Variants in GPHN observed in about 807,000 individuals in gnomAD.
GPHN encodes the protein gephyrin.
Under a neutral mutation model 95.5 loss-of-function variants are expected in GPHN, and 17 were observed. The ratio of observed to expected loss-of-function variants is 0.18; its 90% CI spans 0.12 to 0.27. The LOEUF (loss-of-function observed/expected upper bound fraction) is 0.27. GPHN is among the 10% of genes least tolerant of loss of function. The probability of loss-of-function intolerance (pLI) is 1.00; values close to 1 mark genes in which losing one functional copy is unlikely to be tolerated. For missense variants in GPHN, 660 were observed against 978.1 expected, an observed-to-expected ratio of 0.67 and a Z score of 4.34; for synonymous variants, 320 against 322.5, an observed-to-expected ratio of 0.99 and a Z score of 0.08.
chr14:66,662,321 G>A (rs1340248017), intron 1 of GPHN, among the ~76,000 whole-genome samples: 2 of 152,194 alleles, frequency 1.3e-5, no homozygotes, highest in Non-Finnish European at 2.9e-5. Flanking sequence ...GGAAGGGGCA[G>A]GCTGCCATCT....
the GPHN span, among the ~76,000 whole-genome samples, chr14:67,363,159 C>T: frequency 2.4e-4 from 37 of 152,094 alleles, no homozygotes; most frequent in African/African-American, 8.9e-4. Flanking sequence ...CTTTTTAGCT[C>T]TCAAATTTGA....
At chr14:67,523,583 G>A in the GPHN span, among the ~76,000 whole-genome samples, 2 of 152,208 alleles carry the variant, frequency 1.3e-5, no homozygotes, top group Non-Finnish European at 1.5e-5. Context: ...ACACCTCCAC[G>A]CAGAGGAAGA....
the GPHN span, among the ~76,000 whole-genome samples, chr14:67,457,587 CAG>C: frequency 1.3e-5 from 2 of 152,190 alleles, no homozygotes; most frequent in African/African-American, 2.4e-5. Context: ...GGCTGAGCAA[CAG>C]AGAGAGACTT....
intron 1 of GPHN, among the ~76,000 whole-genome samples, chr14:66,519,847 C>T (rs1221108749): frequency 2.0e-5 from 3 of 152,076 alleles, no homozygotes; most frequent in East Asian, 1.9e-4. Flanking sequence ...ATTTAATCCT[C>T]GTAATAATAT....
the GPHN span, among the ~76,000 whole-genome samples, chr14:67,431,417 A>AC: frequency 2.0e-5 from 3 of 148,250 alleles, no homozygotes; most frequent in Non-Finnish European, 3.0e-5. Flanking sequence ...AAAAAAAAAA[A>AC]AAAACGGTTT....
At chr14:66,720,375 G>C (rs755816266) in intron 2 of GPHN, among the ~76,000 whole-genome samples, 1 of 152,150 alleles carries the variant, frequency 6.6e-6, no homozygotes, top group East Asian at 1.9e-4. Context: ...CCAACACGGC[G>C]AAACCCCGTC....
intron 1 of GPHN, among the ~76,000 whole-genome samples, chr14:66,527,023 T>C (rs2058718627): frequency 1.3e-5 from 2 of 152,200 alleles, no homozygotes; most frequent in Admixed American, 6.5e-5. Context: ...TCTTTTTCTA[T>C]TGTTTGCAGT....
At chr14:67,098,618 T>C (rs1163901455) in intron 12 of GPHN, among the ~76,000 whole-genome samples, 3 of 152,120 alleles carry the variant, frequency 2.0e-5, no homozygotes, top group Admixed American at 6.5e-5. Context: ...GACACCAGCC[T>C]GACCAATATG....
the GPHN span, among the ~76,000 whole-genome samples, chr14:67,290,736 T>G: frequency 6.6e-6 from 1 of 152,052 alleles, no homozygotes; most frequent in Non-Finnish European, 1.5e-5. Context: ...GGCTTCGCCA[T>G]GTTGCCCAGG....
chr14:66,823,365 CT>C (rs2061274493), intron 3 of GPHN: 1 of 152,112 alleles, frequency 6.6e-6, no homozygotes, highest in Admixed American at 6.6e-5. Context: ...AGCTTTTCTG[CT>C]TTTTAAAATG....
At chr14:67,493,490 A>G in the GPHN span, among the ~76,000 whole-genome samples, 2 of 152,212 alleles carry the variant, frequency 1.3e-5, no homozygotes, top group Non-Finnish European at 2.9e-5. Flanking sequence ...TCGTGATCGT[A>G]ACTGACACAG....
At chr14:66,556,528 A>AT (rs1594949860) in intron 1 of GPHN, among the ~76,000 whole-genome samples, 1 of 152,176 alleles carries the variant, frequency 6.6e-6, no homozygotes, top group East Asian at 1.9e-4. Context: ...AACAACTAGG[A>AT]ATATCCAAAT....
intron 1 of GPHN, among the ~76,000 whole-genome samples, chr14:66,666,795 G>T (rs543045879): frequency 6.6e-6 from 1 of 152,206 alleles, no homozygotes; most frequent in South Asian, 2.1e-4. Context: ...GAGCAATCAG[G>T]CAAAAGAATG....
intron 18 of GPHN, among the ~76,000 whole-genome samples, chr14:67,146,448 C>T (rs373888127): frequency 3.3e-5 from 5 of 152,130 alleles, no homozygotes; most frequent in Non-Finnish European, 5.9e-5. Flanking sequence ...AAGTTTTCTT[C>T]GACCTACAAA....
intron 1 of GPHN, among the ~76,000 whole-genome samples, chr14:66,559,927 G>A (rs1285228730): frequency 6.6e-6 from 1 of 152,178 alleles, no homozygotes; most frequent in Non-Finnish European, 1.5e-5. Context: ...TAAGGTGTAA[G>A]GAAGGGATCC....
chr14:67,037,201 T>A (rs968204757), intron 10 of GPHN, among the ~76,000 whole-genome samples: 1 of 151,988 alleles, frequency 6.6e-6, no homozygotes, highest in Admixed American at 6.6e-5. Context: ...GTCTCTTCAA[T>A]AAACGTTGTT....
At chr14:67,262,102 A>G in the GPHN span, among the ~76,000 whole-genome samples, 10 of 152,154 alleles carry the variant, frequency 6.6e-5, no homozygotes, top group South Asian at 2.1e-4. Context: ...CAGTGCCTAC[A>G]TATGTGGAAA....
At chr14:67,036,501 G>GCGCACA (rs1555469785) in intron 10 of GPHN, among the ~76,000 whole-genome samples, 1 of 118,148 alleles carries the variant, frequency 8.5e-6, no homozygotes, top group African/African-American at 3.9e-5. Context: ...ATACATACAT[G>GCGCACA]CACACACACA....
chr14:66,719,578 T>A lies in GPHN; in HGVS notation c.143+38393T>A, dbSNP rs565286650. On this transcript the variant is annotated intron_variant, in intron 2 of 22. Transcript: ENST00000478722. ...CTGATTTATTCCTGCAGTCGTTCTGTAGCCAAAATTCACCGTGTGAACCTC... is the reference window on the plus strand; with the variant it reads ...CTGATTTATTCCTGCAGTCGTTCTGAAGCCAAAATTCACCGTGTGAACCTC... 2.0e-5 allele frequency among the ~76,000 whole-genome samples: 3 copies of A among 152,232 alleles called. No homozygotes were observed. In the South Asian group the frequency reaches 6.2e-4, roughly 32 times the overall value.
Sources: gnomAD v4.1 joint callset for allele counts (sites outside exome capture counted in the v4.1 genomes callset) on GRCh38, gnomAD v4.1.1 for gene constraint, MANE v1.5 for transcripts, NCBI Gene and HGNC (gene_info 2026-07-23, HGNC 2026-07-21) for gene names.